The following FCHSD2 variants were observed in gnomAD, a reference collection of about 807,000 sequenced individuals.
FCHSD2 encodes F-BAR and double SH3 domains protein 2.
In FCHSD2, 38 loss-of-function variants were observed where a neutral mutation model predicts 108.1. The ratio of observed to expected loss-of-function variants is 0.35; its 90% CI spans 0.27 to 0.46. The LOEUF is 0.46. Ranked by LOEUF, FCHSD2 falls within the 20% of genes least tolerant of loss-of-function variation. FCHSD2 has a pLI of 1.00. For synonymous variants in FCHSD2, 279 were observed against 314.7 expected, an observed-to-expected ratio of 0.89 and a Z score of 1.20; for missense variants, 751 against 897.8, an observed-to-expected ratio of 0.84 and a Z score of 2.09.
chr11:73,132,273 A>G (rs1861021534), intron 2 of FCHSD2, among the ~76,000 whole-genome samples: 1 of 152,220 alleles, frequency 6.6e-6, no homozygotes, highest in Admixed American at 6.5e-5. Flanking sequence ...TCAATTTTCC[A>G]CTAATAACAG....
chr11:72,984,295 G>C, intron 7 of FCHSD2, 79 bp from the exon 8 acceptor site: 1 of 1,300,692 alleles, frequency 7.7e-7, no homozygotes. Flanking sequence ...CTCTTAGTTT[G>C]CAATTAATGG....
In FCHSD2 at chr11:72,836,918, T is replaced by C. The variant is rs1044717952; in HGVS notation, c.*1873A>G. ...GGTTATTTTTTAAAAAGGAGGCATG[T>C]TTTCACAACTTTGTTTTTTAAAATA... On this transcript the variant is annotated 3_prime_UTR_variant, in exon 20 of 20. Transcript: ENST00000409418. The C allele has an allele frequency of 2.6e-5, 4 of 152,538 alleles. No homozygotes were observed. The highest frequency in any genetic ancestry group is 5.9e-5 in the Non-Finnish European group (4 of 68,016). 9.4% of individuals were successfully genotyped at this position (152,538 alleles called of 1,614,324 possible). A position where few individuals can be genotyped will look rare whatever the true frequency, so the allele number is the denominator to read the frequency against.
chr11:72,989,783 T>C (rs538349567), intron 5 of FCHSD2, among the ~76,000 whole-genome samples: 64 of 152,300 alleles, frequency 4.2e-4, no homozygotes, highest in African/African-American at 1.4e-3. Context: ...CCAAAGGAGA[T>C]TGACCCCACT....
chr11:73,123,226 C>G (rs985340805), intron 2 of FCHSD2, among the ~76,000 whole-genome samples: 2 of 152,098 alleles, frequency 1.3e-5, no homozygotes, highest in South Asian at 2.1e-4. Context: ...CATTTTTGAC[C>G]TATGACAAAT....
chr11:72,941,237 A>G, intron 8 of FCHSD2: 1 of 227,816 alleles, frequency 4.4e-6, no homozygotes, highest in Non-Finnish European at 8.7e-6. Flanking sequence ...CTTGTTCACT[A>G]TGTGTCCCCA....
chr11:73,085,905 A>G (rs897186545), intron 2 of FCHSD2, among the ~76,000 whole-genome samples: 1 of 152,190 alleles, frequency 6.6e-6, no homozygotes, highest in Non-Finnish European at 1.5e-5. Flanking sequence ...GCCCATTCAA[A>G]GGGGAAAACA....
At chr11:73,130,047 AT>A (rs1002975907) in intron 2 of FCHSD2, among the ~76,000 whole-genome samples, 41 of 150,944 alleles carry the variant, frequency 2.7e-4, no homozygotes, top group African/African-American at 1.0e-3. Context: ...CGCCCAGCTA[AT>A]TTTTTTTAGT....
intron 2 of FCHSD2, among the ~76,000 whole-genome samples, chr11:73,120,558 C>T (rs1860707801): frequency 6.6e-6 from 1 of 151,774 alleles, no homozygotes; most frequent in Non-Finnish European, 1.5e-5. Context: ...GGTGAAACCC[C>T]GTCTCTACTA....
At chr11:73,083,935 T>C (rs951092260) in intron 2 of FCHSD2, among the ~76,000 whole-genome samples, 195 bp from the exon 3 acceptor site, 2 of 152,212 alleles carry the variant, frequency 1.3e-5, no homozygotes, top group African/African-American at 2.4e-5. Flanking sequence ...AAACCCCAGC[T>C]GTACCACTTA....
At chr11:72,875,000 G>C (rs1174590040) in intron 12 of FCHSD2, among the ~76,000 whole-genome samples, 1 of 151,954 alleles carries the variant, frequency 6.6e-6, no homozygotes, top group Non-Finnish European at 1.5e-5. Context: ...ACATAATCTT[G>C]GTTTATAAAC....
chr11:72,901,372 C>A (rs1420096829), intron 10 of FCHSD2, among the ~76,000 whole-genome samples: 1 of 151,786 alleles, frequency 6.6e-6, no homozygotes, highest in African/African-American at 2.4e-5. Context: ...CCTCCAGCCC[C>A]AGTGACAGAG....
chr11:73,006,731 A>T (rs557432250), intron 4 of FCHSD2, among the ~76,000 whole-genome samples: 1 of 152,310 alleles, frequency 6.6e-6, no homozygotes, highest in South Asian at 2.1e-4. Flanking sequence ...TATATGTTTA[A>T]TTATTCACTT....
Position 73,126,339 on chromosome 11 carries a change from T to TAAAAAAAAAAAAAAAA in FCHSD2, c.119+13676_119+13691dup, listed in dbSNP as rs61586562. Among the ~76,000 whole-genome samples, 14 of 27,654 alleles carry TAAAAAAAAAAAAAAAA rather than the reference T, an allele frequency of 5.1e-4. 1 individual carries two copies. The highest frequency in any genetic ancestry group is 7.1e-4 in the Non-Finnish European group (8 of 11,246). 18.1% of individuals were successfully genotyped at this position (27,654 alleles called of 152,430 possible). On this transcript the variant is annotated intron_variant, in intron 2 of 19. Transcript: ENST00000409418. ...TGGGCAACAGGGCAAGATTCCATCT[T>TAAAAAAAAAAAAAAAA]AAAAAAAAAAAAAAAAAAAAAAAAA...
chr11:73,083,652 A>C (rs1396014162), intron 3 of FCHSD2, 43 bp downstream of exon 3: 1 of 1,299,724 alleles, frequency 7.7e-7, no homozygotes, highest in Admixed American at 2.0e-5. Context: ...TAAGCCACGG[A>C]AAAGAAGTAT....
At chr11:72,856,555 A>G (rs1446628401) in intron 13 of FCHSD2, among the ~76,000 whole-genome samples, 2 of 152,240 alleles carry the variant, frequency 1.3e-5, no homozygotes, top group Non-Finnish European at 2.9e-5. Flanking sequence ...GTTCCAGAAT[A>G]ATAAATTATA....
At chr11:73,043,880 C>A (rs911627218) in intron 3 of FCHSD2, among the ~76,000 whole-genome samples, 1 of 152,070 alleles carries the variant, frequency 6.6e-6, no homozygotes, top group Non-Finnish European at 1.5e-5. Context: ...ATCAAAGGAG[C>A]CTGGACTAAA....
chr11:72,964,462 G>A lies in FCHSD2; in HGVS notation c.705+19626C>T, dbSNP rs148531899. Among the ~76,000 whole-genome samples the A allele has an allele frequency of 2.8e-3, 419 of 152,264 alleles. 3 individuals are homozygous for A. In the East Asian group the frequency reaches 0.045, roughly 16 times the overall value. On this transcript the variant is annotated intron_variant, in intron 8 of 19. Transcript: ENST00000409418. ...GGGTTGGTTATTCCTTCCCCTTTGT[G>A]CTACTACCACACTGTGTACATGCCT...
intron 8 of FCHSD2, among the ~76,000 whole-genome samples, chr11:72,939,457 A>G (rs1856369307): frequency 1.3e-5 from 2 of 152,078 alleles, no homozygotes; most frequent in African/African-American, 4.8e-5. Flanking sequence ...ATTATAACTT[A>G]ATTTTCTCTA....
intron 3 of FCHSD2, among the ~76,000 whole-genome samples, chr11:73,055,495 A>G (rs1170145915): frequency 1.3e-5 from 2 of 152,230 alleles, no homozygotes; most frequent in Non-Finnish European, 2.9e-5. Context: ...ATAAGAAATA[A>G]GACAAAGTTT....
Sources: allele counts gnomAD v4.1 joint callset (sites outside exome capture counted in the v4.1 genomes callset), GRCh38; gene constraint gnomAD v4.1.1; transcripts MANE v1.5; gene names NCBI Gene and HGNC (gene_info 2026-07-23, HGNC 2026-07-21).